The following RBMS3 variants were observed in gnomAD, a reference collection of about 807,000 sequenced individuals.
RBMS3 encodes RNA binding motif single stranded interacting protein 3, also known as RNA-binding motif, single-stranded-interacting protein 3.
RBMS3 carries 27 observed loss-of-function variants against 66.8 expected under a neutral mutation model. The ratio of observed to expected loss-of-function variants is 0.40; its 90% confidence interval spans 0.30 to 0.56. RBMS3 has a LOEUF of 0.56. Among genes scored for constraint, RBMS3 ranks in the 20% least tolerant of loss-of-function variants. RBMS3 has a pLI of 0.40. For missense variants in RBMS3, 513 were observed against 549.5 expected, an observed-to-expected ratio of 0.93 and a Z score of 0.66; for synonymous variants, 188 against 183.0, an observed-to-expected ratio of 1.03 and a Z score of -0.22.
At chr3:29,357,125 T>G (rs34830062) in intron 1 of RBMS3, among the ~76,000 whole-genome samples, 33,770 of 152,008 alleles carry the variant, frequency 0.22, 3,836 homozygotes, top group Admixed American at 0.27. Context: ...TGTATACATG[T>G]GACATGTTGG....
At chr3:29,429,770 A>G (rs2041108934) in intron 1 of RBMS3, among the ~76,000 whole-genome samples, 1 of 152,112 alleles carries the variant, frequency 6.6e-6, no homozygotes, top group Non-Finnish European at 1.5e-5. Flanking sequence ...CTTTACTAAC[A>G]TTTTAAAATC....
chr3:29,834,727 G>A (rs911328385), intron 6 of RBMS3, among the ~76,000 whole-genome samples: 1 of 151,894 alleles, frequency 6.6e-6, no homozygotes, highest in Non-Finnish European at 1.5e-5. Flanking sequence ...AAGAATCAAA[G>A]GATCTACAAA....
intron 12 of RBMS3, 85 bp downstream of exon 12, chr3:29,944,339 T>A: frequency 8.2e-7 from 1 of 1,220,186 alleles, no homozygotes; most frequent in Non-Finnish European, 1.2e-6. Context: ...TTTAAAGCAG[T>A]GATTCTCAAC....
chr3:29,318,652 C>A (rs563102865), intron 1 of RBMS3, among the ~76,000 whole-genome samples: 3 of 151,918 alleles, frequency 2.0e-5, no homozygotes, highest in South Asian at 2.1e-4. Context: ...TGTAGGTCAT[C>A]ATGGATTAGC....
rs559598364 is a variant in RBMS3 at position 30,008,230 on chromosome 3, A to G, written c.*4368A>G. The stretch of plus-strand genomic sequence containing the variant: ...TCTTCACGACTGAGGAGAAGTTTCA[A>G]TAGGCTGTCTAGACATTATGATGTT... On this transcript the variant is annotated 3_prime_UTR_variant, in exon 15 of 15. Transcript: ENST00000383767. 6.6e-6 allele frequency: 1 copy of G among 152,176 alleles called. No homozygotes were observed. Among genetic ancestry groups the G allele is most frequent in the South Asian group, 2.1e-4 (1 of 4,822 alleles). The allele number at this position is 152,176 out of a possible 1,614,324, so 9.4% of individuals were successfully genotyped here.
At chr3:29,483,864 G>C (rs1435709184) in intron 2 of RBMS3, among the ~76,000 whole-genome samples, 1 of 152,116 alleles carries the variant, frequency 6.6e-6, no homozygotes, top group Non-Finnish European at 1.5e-5. Context: ...TTCTTTGTAA[G>C]GTATTAGCCC....
chr3:29,997,307 A>C (rs1328422614), intron 14 of RBMS3, among the ~76,000 whole-genome samples: 6 of 151,364 alleles, frequency 4.0e-5, no homozygotes. Flanking sequence ...GTCCAGGATC[A>C]CATGGATTCA....
At chr3:29,517,315 A>G (rs2044672967) in intron 3 of RBMS3, among the ~76,000 whole-genome samples, 9 of 128,088 alleles carry the variant, frequency 7.0e-5, no homozygotes, top group South Asian at 5.3e-4. Context: ...GTGTATATAT[A>G]TATATTTTTT....
At chr3:29,805,366 A>G (rs2057515667) in intron 6 of RBMS3, among the ~76,000 whole-genome samples, 1 of 152,116 alleles carries the variant, frequency 6.6e-6, no homozygotes, top group South Asian at 2.1e-4. Context: ...TATTTTCTAT[A>G]CTATACTTTT....
At chr3:29,678,156 A>T (rs2051331167) in intron 4 of RBMS3, among the ~76,000 whole-genome samples, 1 of 152,170 alleles carries the variant, frequency 6.6e-6, no homozygotes, top group Non-Finnish European at 1.5e-5. Flanking sequence ...TCTCTGCCCC[A>T]TTTGTCAATT....
chr3:29,320,071 T>C (rs2034916465), intron 1 of RBMS3, among the ~76,000 whole-genome samples: 1 of 152,046 alleles, frequency 6.6e-6, no homozygotes, highest in African/African-American at 2.4e-5. Context: ...AGGAGGCAAC[T>C]GACTTACCTC....
At chr3:29,322,486 A>G (rs2035065156) in intron 1 of RBMS3, among the ~76,000 whole-genome samples, 1 of 152,112 alleles carries the variant, frequency 6.6e-6, no homozygotes, top group Non-Finnish European at 1.5e-5. Context: ...TAACATTCAA[A>G]TAGATCTGGT....
At chr3:29,558,812 C>T (rs567852705) in intron 3 of RBMS3, among the ~76,000 whole-genome samples, 43 of 152,238 alleles carry the variant, frequency 2.8e-4, no homozygotes, top group Admixed American at 1.4e-3. Flanking sequence ...CAGTAACTTG[C>T]GTTTCTAAGT....
At chr3:29,907,346 T>C (rs1182268488) in intron 10 of RBMS3, among the ~76,000 whole-genome samples, 1 of 152,166 alleles carries the variant, frequency 6.6e-6, no homozygotes, top group Non-Finnish European at 1.5e-5. Flanking sequence ...AATCTTTATA[T>C]TTCATAATTC....
At chr3:29,481,895 C>T (rs1250624513) in intron 2 of RBMS3, among the ~76,000 whole-genome samples, 1 of 152,128 alleles carries the variant, frequency 6.6e-6, no homozygotes, top group Non-Finnish European at 1.5e-5. Flanking sequence ...TTTAACATGT[C>T]ACACATTGTG....
rs1436694393 is a variant in RBMS3, at chr3:29,489,083, A to G, written c.307+584A>G. ...TGTCTGGGAGTCCTATATTCTTTTAAAATTTGCATTAGATTAATTGTGGAA... is the reference window on the plus strand; with the variant it reads ...TGTCTGGGAGTCCTATATTCTTTTAGAATTTGCATTAGATTAATTGTGGAA... On this transcript the variant is annotated intron_variant, in intron 3 of 14. Coordinates refer to ENST00000383767, the MANE Select transcript of RBMS3 (RefSeq NM_001003793.3). Among the ~76,000 whole-genome samples, 3 of 152,256 alleles carry G rather than the reference A, an allele frequency of 2.0e-5. No individual in the cohort carries two copies. The East Asian group carries it at 5.8e-4, about 29-fold the overall frequency.
chr3:29,953,016 A>G lies in RBMS3; in HGVS notation c.1098+8762A>G, dbSNP rs573742820. On this transcript the variant is annotated intron_variant, in intron 12 of 14. Transcript: ENST00000383767. ...AAAACCAAGGATCAACTATAGTCAA[A>G]CATAGTTAAGTTCATTAGCTTGCTG... Among the ~76,000 whole-genome samples, 45 of 152,068 alleles carry G rather than the reference A, an allele frequency of 3.0e-4. 1 individual carries two copies. The South Asian group carries it at 9.3e-3, about 31-fold the overall frequency.
At chr3:29,564,528 CT>C (rs2149054904) in intron 3 of RBMS3, among the ~76,000 whole-genome samples, 1 of 150,542 alleles carries the variant, frequency 6.6e-6, no homozygotes, top group Admixed American at 6.6e-5. Context: ...ACTAGGTTAC[CT>C]TATGTACAAA....
At chr3:29,767,553 G>T (rs112206643) in intron 6 of RBMS3, 2 of 151,868 alleles carry the variant, frequency 1.3e-5, no homozygotes, top group Admixed American at 6.6e-5. Context: ...AATATTTTTC[G>T]AATAAATAAA....
Sources: allele counts gnomAD v4.1 joint callset (sites outside exome capture counted in the v4.1 genomes callset), GRCh38; gene constraint gnomAD v4.1.1; transcripts MANE v1.5; gene names NCBI Gene and HGNC (gene_info 2026-07-23, HGNC 2026-07-21).